ADGRV1: variants seen among roughly 807,000 people sequenced by gnomAD.
The protein encoded by ADGRV1 is G-protein coupled receptor 98.
Under a neutral mutation model 596.2 loss-of-function variants are expected in ADGRV1, and 359 were observed. That is an observed-to-expected ratio of 0.60 (90% CI 0.55 to 0.66). The LOEUF (loss-of-function observed/expected upper bound fraction) is 0.66. ADGRV1 is among the 30% of genes least tolerant of loss of function. The pLI is 0.00. For synonymous variants in ADGRV1, 2,681 were observed against 2,679.2 expected, an observed-to-expected ratio of 1.00 and a Z score of -0.02; for missense variants, 7,274 against 7,575.6, an observed-to-expected ratio of 0.96 and a Z score of 1.48.
At chr5:91,042,783 T>C (rs1049374810) in intron 85 of ADGRV1, among the ~76,000 whole-genome samples, 4 of 152,160 alleles carry the variant, frequency 2.6e-5, no homozygotes, top group African/African-American at 9.7e-5. Flanking sequence ...TGTCAGGATT[T>C]TAACAAACTT....
At chr5:90,664,415 G>A (rs1388034333) in intron 21 of ADGRV1, among the ~76,000 whole-genome samples, 2 of 151,976 alleles carry the variant, frequency 1.3e-5, no homozygotes, top group African/African-American at 4.8e-5. Context: ...CTCTCTGTTT[G>A]CCTGTTGTTG....
At chr5:91,054,118 A>T (rs1343040144) in intron 85 of ADGRV1, among the ~76,000 whole-genome samples, 3 of 151,556 alleles carry the variant, frequency 2.0e-5, no homozygotes, top group African/African-American at 4.9e-5. Context: ...AGAGAGAGAG[A>T]GAGAGAGAGA....
chr5:90,802,897 G>C lies in ADGRV1; in HGVS notation c.14661+15G>C. On this transcript the variant is annotated intron_variant, in intron 71 of 89. Transcript: ENST00000405460. ...CCAATTCTCAGGTAATTGGCCCTGT[G>C]TGTGGTTCTCTCAGCAGAACACTAG... 6.3e-7 allele frequency: 1 copy of C among 1,593,416 alleles called. No homozygotes were observed. The highest frequency in any genetic ancestry group is 8.6e-7 in the Non-Finnish European group (1 of 1,169,054).
intron 1 of ADGRV1, among the ~76,000 whole-genome samples, chr5:90,578,142 A>G (rs1480967080): frequency 2.0e-5 from 3 of 152,242 alleles, no homozygotes; most frequent in Admixed American, 1.3e-4. Context: ...AGAACTTCCA[A>G]CACTATGTTG....
intron 83 of ADGRV1, among the ~76,000 whole-genome samples, chr5:90,886,443 A>G (rs1770291679): frequency 6.6e-6 from 1 of 152,162 alleles, no homozygotes; most frequent in African/African-American, 2.4e-5. Context: ...ATGCAGATTC[A>G]AAGCCTCCAC....
chr5:90,672,531 T>C lies in ADGRV1; in HGVS notation c.4753-15T>C, dbSNP rs756954166. The C allele has an allele frequency of 1.2e-6, 2 of 1,606,584 alleles. No homozygotes were observed. The highest frequency in any genetic ancestry group is 4.5e-5 in the East Asian group (2 of 44,814). On this transcript the variant is annotated splice_polypyrimidine_tract_variant and intron_variant, in intron 21 of 89. Coordinates refer to ENST00000405460, the MANE Select transcript of ADGRV1 (RefSeq NM_032119.4). ...AATTGCTATGCACCTATTAATAATT[T>C]ACATTCAATTTCAGATTGCAGAGGA...
chr5:90,977,175 A>G (rs1165945835), intron 84 of ADGRV1, among the ~76,000 whole-genome samples: 3 of 152,220 alleles, frequency 2.0e-5, no homozygotes, highest in Non-Finnish European at 4.4e-5. Context: ...TTATCAAGAT[A>G]AAAATGACAT....
At chr5:90,608,759 C>G (rs144070458) in intron 1 of ADGRV1, among the ~76,000 whole-genome samples, 33 of 151,992 alleles carry the variant, frequency 2.2e-4, no homozygotes, top group African/African-American at 7.7e-4. Flanking sequence ...GAGGATGAAA[C>G]ACAGGAAAGG....
Position 90,755,093 on chromosome 5 carries a change from G to C in ADGRV1, c.11488G>C (p.Ala3830Pro). The C allele has an allele frequency of 1.9e-6, 3 of 1,609,588 alleles. No individual in the cohort carries two copies. The highest frequency in any genetic ancestry group is 2.6e-6 in the Non-Finnish European group (3 of 1,176,168). Residue 3830 changes from alanine (A) to proline (P), a missense_variant, in exon 55 of 90, where the codon GCT (alanine) becomes CCT (proline). Transcript: ENST00000405460. ...PNFLLHVDNQ[A>P]TENEDYVLQE... ...TTTCTTACTGCATGTCGATAATCAA[G>C]CTACTGAGAATGAAGATTATGTATT...
chr5:90,710,533 G>C (rs187624756), intron 39 of ADGRV1, among the ~76,000 whole-genome samples: 2 of 151,944 alleles, frequency 1.3e-5, no homozygotes, highest in African/African-American at 2.4e-5. Flanking sequence ...ATGTCTCTCT[G>C]TGTCTCTTTT....
intron 16 of ADGRV1, among the ~76,000 whole-genome samples, chr5:90,646,589 G>A (rs938128554): frequency 2.6e-5 from 4 of 151,854 alleles, no homozygotes; most frequent in African/African-American, 7.3e-5. Context: ...CCACTTTAAC[G>A]CTTTCTTCAG....
intron 79 of ADGRV1, among the ~76,000 whole-genome samples, chr5:90,849,432 C>T (rs1766258041): frequency 6.6e-6 from 1 of 152,088 alleles, no homozygotes; most frequent in African/African-American, 2.4e-5. Context: ...TCTTGTCGCC[C>T]AGGCTGGAGT....
intron 87 of ADGRV1, among the ~76,000 whole-genome samples, chr5:91,119,741 G>A (rs191099319): frequency 1.3e-5 from 2 of 152,148 alleles, no homozygotes; most frequent in African/African-American, 4.8e-5. Context: ...CTTCTCCTTT[G>A]GCCCTCAAAA....
At chr5:91,002,360 A>T (rs761816704) in intron 85 of ADGRV1, among the ~76,000 whole-genome samples, 2 of 152,110 alleles carry the variant, frequency 1.3e-5, no homozygotes, top group Non-Finnish European at 2.9e-5. Context: ...ACTTTATCCC[A>T]TGCATCTGTC....
chr5:90,881,803 C>T (rs1282946296), intron 83 of ADGRV1, among the ~76,000 whole-genome samples: 2 of 152,108 alleles, frequency 1.3e-5, no homozygotes, highest in East Asian at 3.9e-4. Context: ...TAGATTATTG[C>T]AGCCTCAAAT....
chr5:90,614,059 G>GGT (rs1181303116), intron 1 of ADGRV1, among the ~76,000 whole-genome samples: 1 of 151,414 alleles, frequency 6.6e-6, no homozygotes, highest in African/African-American at 2.4e-5. Context: ...GCACTTTCAG[G>GGT]AGACCACTGC....
chr5:91,114,325 G>A (rs1262883341), intron 87 of ADGRV1, among the ~76,000 whole-genome samples: 2 of 152,108 alleles, frequency 1.3e-5, no homozygotes, highest in Admixed American at 1.3e-4. Flanking sequence ...TCAGGAGTTC[G>A]AGACCAGCTT....
At chr5:90,700,322 A>G (rs1747749567) in intron 34 of ADGRV1, among the ~76,000 whole-genome samples, 1 of 152,174 alleles carries the variant, frequency 6.6e-6, no homozygotes, top group Non-Finnish European at 1.5e-5. Flanking sequence ...TAAAATGTGG[A>G]CTATGCTGAA....
intron 74 of ADGRV1, among the ~76,000 whole-genome samples, chr5:90,813,310 G>A (rs1762621972): frequency 6.6e-6 from 1 of 152,038 alleles, no homozygotes; most frequent in Non-Finnish European, 1.5e-5. Flanking sequence ...GGCTTCTGGA[G>A]GTTCTTTGCT....
Sources: gnomAD v4.1 joint callset for allele counts (sites outside exome capture counted in the v4.1 genomes callset) on GRCh38, gnomAD v4.1.1 for gene constraint, MANE v1.5 for transcripts, NCBI Gene and HGNC (gene_info 2026-07-23, HGNC 2026-07-21) for gene names.